Variants in PALM2AKAP2 observed in about 807,000 individuals in gnomAD.
PALM2AKAP2 encodes the protein PALM2 and AKAP2 fusion.
In PALM2AKAP2, 37 loss-of-function variants were observed where a neutral mutation model predicts 71.5. That is an observed-to-expected ratio of 0.52 (90% CI 0.40 to 0.68). The LOEUF (loss-of-function observed/expected upper bound fraction) is 0.68. PALM2AKAP2 is among the 30% of genes least tolerant of loss of function. The pLI is 0.00. For synonymous variants in PALM2AKAP2, 468 were observed against 478.8 expected (o/e 0.98, Z 0.29); for missense variants, 1,224 against 1,191.8 (o/e 1.03, Z -0.40).
At chr9:109,686,556 A>G (rs1004263091) in intron 1 of PALM2AKAP2, among the ~76,000 whole-genome samples, 2 of 152,226 alleles carry the variant, frequency 1.3e-5, no homozygotes, top group African/African-American at 4.8e-5. Context: ...GGCTTAAAAT[A>G]TTCAGTAAAC....
chr9:110,001,265 T>C (rs1832676318), intron 6 of PALM2AKAP2, among the ~76,000 whole-genome samples: 1 of 152,232 alleles, frequency 6.6e-6, no homozygotes, highest in Non-Finnish European at 1.5e-5. Context: ...ATTTATTAAA[T>C]AGGGAATTGT....
chr9:110,034,604 CT>C (rs57708385), intron 7 of PALM2AKAP2, among the ~76,000 whole-genome samples: 4,339 of 118,318 alleles, frequency 0.037, 61 homozygotes, highest in African/African-American at 0.092. Flanking sequence ...ATATATTCCC[CT>C]TTTTTTTTTT....
intron 1 of PALM2AKAP2, among the ~76,000 whole-genome samples, chr9:110,104,048 T>A (rs1588111356): frequency 6.6e-6 from 1 of 152,016 alleles, no homozygotes; most frequent in South Asian, 2.1e-4. Flanking sequence ...CCAGGAACAG[T>A]GGAATCTATT....
chr9:109,839,339 T>C (rs1301703876), intron 1 of PALM2AKAP2, among the ~76,000 whole-genome samples: 3 of 152,232 alleles, frequency 2.0e-5, no homozygotes, highest in Non-Finnish European at 4.4e-5. Flanking sequence ...TCAACAGCCC[T>C]TCATGCGAAA....
intron 1 of PALM2AKAP2, among the ~76,000 whole-genome samples, chr9:109,767,401 G>C (rs778109601): frequency 6.6e-6 from 1 of 152,182 alleles, no homozygotes; most frequent in Non-Finnish European, 1.5e-5. Flanking sequence ...GGATTAGGGC[G>C]TGGGCATCTT....
chr9:110,117,608 A>C lies in PALM2AKAP2; in HGVS notation c.157-18519A>C, dbSNP rs149895344. Among the ~76,000 whole-genome samples the C allele has an allele frequency of 1.4e-3, 208 of 152,218 alleles. 2 individuals carry two copies. The highest frequency in any genetic ancestry group is 4.9e-3 in the African/African-American group (203 of 41,530). ...TAAAGAATAGAGATTTGGTTCTTAC[A>C]TTTCTGGAGGCTGTCTCATCCCATA... On this transcript the variant is annotated intron_variant, in intron 1 of 3. Transcript: ENST00000374525.
intron 6 of PALM2AKAP2, among the ~76,000 whole-genome samples, chr9:109,991,532 CTT>C (rs1832481856): frequency 6.6e-6 from 1 of 152,180 alleles, no homozygotes; most frequent in African/African-American, 2.4e-5. Flanking sequence ...AGCCACCACA[CTT>C]AGCCACCACA....
At chr9:110,113,676 C>T (rs769425033) in intron 1 of PALM2AKAP2, among the ~76,000 whole-genome samples, 8 of 152,096 alleles carry the variant, frequency 5.3e-5, no homozygotes, top group East Asian at 1.9e-4. Context: ...GGATTACAGG[C>T]GCCTGCCACC....
chr9:109,991,073 C>A (rs7866500), intron 6 of PALM2AKAP2, among the ~76,000 whole-genome samples: 2,429 of 152,056 alleles, frequency 0.016, 76 homozygotes, highest in African/African-American at 0.056. Flanking sequence ...AGCAGCTCAC[C>A]CAGGGTGAGA....
intron 1 of PALM2AKAP2, among the ~76,000 whole-genome samples, chr9:109,798,981 A>C (rs1827342109): frequency 6.6e-6 from 1 of 152,000 alleles, no homozygotes; most frequent in Non-Finnish European, 1.5e-5. Flanking sequence ...CCTCCAGGTC[A>C]CTGTTGTGCG....
chr9:110,109,337 C>CAAGA (rs1835188422), intron 1 of PALM2AKAP2, among the ~76,000 whole-genome samples: 4 of 107,016 alleles, frequency 3.7e-5, no homozygotes, highest in Non-Finnish European at 6.1e-5. Context: ...AAAAAAAAAA[C>CAAGA]CAGAAAGAAA....
At chr9:110,032,720 AAAT>A (rs746864293) in intron 7 of PALM2AKAP2, among the ~76,000 whole-genome samples, 2 of 144,322 alleles carry the variant, frequency 1.4e-5, no homozygotes, top group Admixed American at 7.1e-5. Flanking sequence ...ATAAATAAAT[AAAT>A]AAATAAATAA....
At chr9:109,740,939 A>G (rs1828707467) in intron 1 of PALM2AKAP2, among the ~76,000 whole-genome samples, 1 of 152,212 alleles carries the variant, frequency 6.6e-6, no homozygotes, top group Non-Finnish European at 1.5e-5. Context: ...GGTGTGAGCC[A>G]CTGCACCCGG....
chr9:110,065,179 A>G (rs1834052011), intron 1 of PALM2AKAP2, among the ~76,000 whole-genome samples: 1 of 152,144 alleles, frequency 6.6e-6, no homozygotes, highest in Non-Finnish European at 1.5e-5. Context: ...ATTTCTGTAG[A>G]CATTTGTTCT....
intron 1 of PALM2AKAP2, among the ~76,000 whole-genome samples, chr9:109,771,259 C>T (rs578228518): frequency 6.6e-6 from 1 of 152,132 alleles, no homozygotes; most frequent in South Asian, 2.1e-4. Flanking sequence ...ACAAGCATAC[C>T]AAGAGGGGGT....
intron 6 of PALM2AKAP2, among the ~76,000 whole-genome samples, chr9:109,939,906 G>C (rs1324669962): frequency 2.0e-5 from 3 of 152,204 alleles, no homozygotes; most frequent in African/African-American, 7.2e-5. Context: ...CCAAACATGG[G>C]ATTTTGTTTC....
intron 1 of PALM2AKAP2, among the ~76,000 whole-genome samples, chr9:109,863,917 TA>T (rs750209026): frequency 6.6e-6 from 1 of 152,058 alleles, no homozygotes. Flanking sequence ...CCATCTCTAG[TA>T]AAAATACAAA....
intron 6 of PALM2AKAP2, among the ~76,000 whole-genome samples, chr9:109,935,543 G>A (rs1416889845): frequency 1.3e-5 from 2 of 152,192 alleles, no homozygotes; most frequent in African/African-American, 4.8e-5. Flanking sequence ...TCTTTCCAGA[G>A]ACCTTGAACA....
chr9:109,935,020 T>G (rs1831190233), intron 6 of PALM2AKAP2, among the ~76,000 whole-genome samples: 1 of 152,190 alleles, frequency 6.6e-6, no homozygotes, highest in African/African-American at 2.4e-5. Flanking sequence ...CAGCAGGAAG[T>G]GGGGGAAGGG....
Sources: gnomAD v4.1 joint callset for allele counts (sites outside exome capture counted in the v4.1 genomes callset) on GRCh38, gnomAD v4.1.1 for gene constraint, MANE v1.5 for transcripts, NCBI Gene and HGNC (gene_info 2026-07-23, HGNC 2026-07-21) for gene names.